Variants in VPS13B observed in about 807,000 individuals in gnomAD.
The protein encoded by VPS13B is vacuolar protein sorting 13 homolog B, also known as intermembrane lipid transfer protein VPS13B.
Under a neutral mutation model 426.4 loss-of-function variants are expected in VPS13B, and 285 were observed. The observed-to-expected ratio is 0.67, with a 90% CI of 0.61 to 0.74. VPS13B has a LOEUF of 0.74. Among genes scored for constraint, VPS13B ranks in the 30% least tolerant of loss-of-function variants. VPS13B has a pLI of 0.00. For synonymous variants in VPS13B, 1,676 were observed against 1,676.4 expected, an observed-to-expected ratio of 1.00 and a Z score of 0.01; for missense variants, 4,537 against 4,782.6, an observed-to-expected ratio of 0.95 and a Z score of 1.51.
intron 19 of VPS13B, among the ~76,000 whole-genome samples, chr8:99,340,151 A>T (rs1382459211): frequency 6.6e-6 from 1 of 152,194 alleles, no homozygotes; most frequent in African/African-American, 2.4e-5. Context: ...TATGTGGGCA[A>T]CTGAAACAAC....
chr8:99,777,990 G>A (rs962901496), intron 41 of VPS13B, among the ~76,000 whole-genome samples: 4 of 152,110 alleles, frequency 2.6e-5, no homozygotes, highest in African/African-American at 9.7e-5. Context: ...CCAACACTTT[G>A]GGAGGCCGAG....
chr8:99,698,835 A>G (rs1168795274), intron 35 of VPS13B, among the ~76,000 whole-genome samples: 1 of 152,242 alleles, frequency 6.6e-6, no homozygotes, highest in African/African-American at 2.4e-5. Flanking sequence ...GCTAGTTTTC[A>G]TGTCAGGTAA....
Position 99,854,152 on chromosome 8 carries a change from C to G in VPS13B, c.10763C>G (p.Pro3588Arg). 6.2e-7 allele frequency: 1 copy of G among 1,613,840 alleles called. No individual in the cohort carries two copies. Among genetic ancestry groups the G allele is most frequent in the East Asian group, 2.2e-5 (1 of 44,876 alleles). ...LKLYIASDHT[P>R]LSFSVFERGP... ...CTGTACATAGCCTCAGACCACACTC[C>G]TCTCTCCTTCTCGGTGTTTGAAAGA... The change falls in exon 56 of 62, where the codon CCT becomes CGT. Residue 3588 changes from proline (P) to arginine (R), a missense_variant. By Grantham distance (103) the Pro-to-Arg change is moderately radical. Coordinates refer to ENST00000357162, the MANE Select transcript of VPS13B (RefSeq NM_152564.5).
chr8:99,204,663 GAAA>G lies in VPS13B; in HGVS notation c.2515+11613_2515+11615del, dbSNP rs912790834. ...ACAAGGAACTTAAACACATTTACAA[GAAA>G]AAAAAACCCTATGAAAAAGTGTGCA... On this transcript the variant is annotated intron_variant, in intron 17 of 61. Transcript: ENST00000357162. Among the ~76,000 whole-genome samples, 7 of 149,380 alleles carry G rather than the reference GAAA, an allele frequency of 4.7e-5. No homozygotes were observed. The East Asian group carries it at 5.9e-4, about 13-fold the overall frequency.
At position 99,154,160 on chromosome 8, in the gene VPS13B, T is replaced by G. The variant is rs547660907; in HGVS notation, c.2014-2389T>G. Reference sequence around the variant, plus strand: ...TGTGTCTGTATGTAGGTTTTTTTTGTTTTTTTTTTTGGCATTTATCCTGCT... The same window carrying G: ...TGTGTCTGTATGTAGGTTTTTTTTGGTTTTTTTTTTGGCATTTATCCTGCT... On this transcript the variant is annotated intron_variant, in intron 14 of 61. Coordinates refer to ENST00000357162, the MANE Select transcript of VPS13B (RefSeq NM_152564.5). Among the ~76,000 whole-genome samples the G allele has an allele frequency of 5.0e-4, 68 of 136,190 alleles. No homozygotes were observed. The South Asian group carries it at 0.011, about 21-fold the overall frequency. The allele number at this position is 136,190 out of a possible 152,430, so 89.3% of individuals were successfully genotyped here. A position where few individuals can be genotyped will look rare whatever the true frequency, so the allele number is the denominator to read the frequency against.
At chr8:99,788,283 C>T (rs1812367026) in intron 43 of VPS13B, among the ~76,000 whole-genome samples, 1 of 146,134 alleles carries the variant, frequency 6.8e-6, no homozygotes, top group Non-Finnish European at 1.5e-5. Flanking sequence ...TGTGTGGTGG[C>T]ACATACCTGT....
chr8:99,601,814 G>A lies in VPS13B; in HGVS notation c.5220+24181G>A, dbSNP rs1827313159. On this transcript the variant is annotated intron_variant, in intron 33 of 61. Coordinates refer to ENST00000357162, the MANE Select transcript of VPS13B (RefSeq NM_152564.5). ...AAACGTCTTCTTTTGAAAAGTGTCT[G>A]TTCATATCCTTCGCCCACTTTTTGA... Among the ~76,000 whole-genome samples the A allele has an allele frequency of 2.0e-5, 3 of 152,254 alleles. No individual in the cohort carries two copies. The South Asian group carries it at 6.2e-4, about 32-fold the overall frequency.
At chr8:99,697,821 T>C in intron 35 of VPS13B, 1 of 596,448 alleles carries the variant, frequency 1.7e-6, no homozygotes. Flanking sequence ...GAAAGCAAGC[T>C]CACCAGCCTG....
chr8:99,863,448 G>A (rs1816935356), intron 58 of VPS13B, among the ~76,000 whole-genome samples: 1 of 152,044 alleles, frequency 6.6e-6, no homozygotes, highest in Non-Finnish European at 1.5e-5. Flanking sequence ...CCACTACTCT[G>A]CTCCACCCCA....
chr8:99,154,825 C>T (rs1811272175), intron 14 of VPS13B, among the ~76,000 whole-genome samples: 1 of 152,006 alleles, frequency 6.6e-6, no homozygotes, highest in African/African-American at 2.4e-5. Context: ...GAATGGTTAA[C>T]TTACTTTAGG....
chr8:99,278,556 C>A (rs1819010923), intron 19 of VPS13B, among the ~76,000 whole-genome samples: 1 of 152,154 alleles, frequency 6.6e-6, no homozygotes, highest in South Asian at 2.1e-4. Flanking sequence ...AATGACTTGT[C>A]CAATTGCCTA....
chr8:99,864,350 A>G (rs1816988115), intron 58 of VPS13B, among the ~76,000 whole-genome samples: 1 of 152,106 alleles, frequency 6.6e-6, no homozygotes, highest in African/African-American at 2.4e-5. Flanking sequence ...GGAGTTCGAG[A>G]TCAGCTTGGG....
Position 99,720,523 on chromosome 8 carries a change from C to G in VPS13B, c.6836C>G (p.Thr2279Arg), listed in dbSNP as rs1233782276. 6.2e-7 allele frequency: 1 copy of G among 1,613,968 alleles called. No homozygotes were observed. The highest frequency in any genetic ancestry group is 1.7e-5 in the Admixed American group (1 of 60,010). Residue 2279 changes from threonine to arginine, a missense_variant, in exon 38 of 62, where the codon ACA (threonine) becomes AGA (arginine). Coordinates refer to ENST00000357162, the MANE Select transcript of VPS13B (RefSeq NM_152564.5). ...GAACAAAGTTCAGATGACCTACGGA[C>G]AGGTCTATTTCAGTATGTACAGGAT... ...KSEQSSDDLR[T>R]GLFQYVQDAE...
intron 51 of VPS13B, among the ~76,000 whole-genome samples, chr8:99,828,930 T>C (rs923676792): frequency 6.6e-6 from 1 of 152,176 alleles, no homozygotes. Context: ...TGGCCCCCAC[T>C]CTCTTCTGGC....
rs78533377 is a variant in VPS13B at position 99,294,879 on chromosome 8, C to A, written c.2824+19625C>A. Among the ~76,000 whole-genome samples, 16 of 152,248 alleles carry A rather than the reference C, an allele frequency of 1.1e-4. No individual in the cohort carries two copies. In the East Asian group the frequency reaches 2.7e-3, roughly 26 times the overall value. On this transcript the variant is annotated intron_variant, in intron 19 of 61. Transcript: ENST00000357162. ...GTTCTCACAAATTGGTGTATTATGA[C>A]AGTATTCTACAGATCGAAGTAAAAA...
intron 33 of VPS13B, among the ~76,000 whole-genome samples, chr8:99,624,323 A>G (rs551289147): frequency 6.6e-6 from 1 of 152,246 alleles, no homozygotes; most frequent in South Asian, 2.1e-4. Flanking sequence ...AGTTTTTAGC[A>G]CTGGATTGTT....
intron 15 of VPS13B, 113 bp from the exon 16 acceptor site, chr8:99,169,926 G>T: frequency 7.9e-7 from 1 of 1,267,834 alleles, no homozygotes; most frequent in Non-Finnish European, 1.1e-6. Context: ...AAAAGACTTT[G>T]GAACATATTT....
intron 8 of VPS13B, among the ~76,000 whole-genome samples, chr8:99,131,911 T>G (rs1292592357): frequency 6.6e-6 from 1 of 152,174 alleles, no homozygotes; most frequent in Admixed American, 6.5e-5. Flanking sequence ...GGACTATTTT[T>G]TTTGAGACAG....
intron 35 of VPS13B, among the ~76,000 whole-genome samples, chr8:99,681,009 A>T (rs1255117085): frequency 6.6e-6 from 1 of 152,230 alleles, no homozygotes; most frequent in African/African-American, 2.4e-5. Flanking sequence ...AAGTTAAAAA[A>T]TACCAGACAC....
Sources: allele counts gnomAD v4.1 joint callset (sites outside exome capture counted in the v4.1 genomes callset), GRCh38; gene constraint gnomAD v4.1.1; transcripts MANE v1.5; gene names NCBI Gene and HGNC (gene_info 2026-07-23, HGNC 2026-07-21).